Variants in ERICH6 observed in about 807,000 individuals in gnomAD.
The protein encoded by ERICH6 is glutamate rich 6.
A neutral mutation model predicts 71.0 loss-of-function variants in ERICH6; 71 were observed. That is an observed-to-expected ratio of 1.00 (90% CI 0.83 to 1.22). ERICH6 has a LOEUF of 1.22. Ranked by LOEUF, ERICH6 falls within the 50% of genes most tolerant of loss-of-function variation. The probability of loss-of-function intolerance (pLI) is 0.00; values close to 1 mark genes in which losing one functional copy is unlikely to be tolerated. For missense variants in ERICH6, 808 were observed against 797.2 expected, an observed-to-expected ratio of 1.01 and a Z score of -0.16; for synonymous variants, 262 against 278.4, an observed-to-expected ratio of 0.94 and a Z score of 0.59.
In ERICH6 at chr3:150,682,212, A is replaced by G; in HGVS notation, c.882+6T>C. 3 of 1,610,338 alleles carry G rather than the reference A, an allele frequency of 1.9e-6. No individual in the cohort carries two copies. The highest frequency in any genetic ancestry group is 2.5e-6 in the Non-Finnish European group (3 of 1,177,008). ...ATTTCCACAGTAAACCTGACTTAGA[A>G]CTTACATGCCCTTTTGGTTCAGAGG... On this transcript the variant is annotated splice_donor_region_variant and intron_variant, in intron 7 of 13. Coordinates refer to ENST00000295910, the MANE Select transcript of ERICH6 (RefSeq NM_152394.5).
At chr3:150,688,529 G>A (rs1712290309) in intron 3 of ERICH6, among the ~76,000 whole-genome samples, 1 of 152,158 alleles carries the variant, frequency 6.6e-6, no homozygotes, top group South Asian at 2.1e-4. Context: ...GGTAGTTTAT[G>A]GGAAAGGAAA....
chr3:150,698,495 G>A (rs1329389017), intron 3 of ERICH6, among the ~76,000 whole-genome samples: 2 of 152,134 alleles, frequency 1.3e-5, no homozygotes, highest in Admixed American at 1.3e-4. Flanking sequence ...ATAAAGATAT[G>A]TATCAAAAAT....
intron 3 of ERICH6, among the ~76,000 whole-genome samples, chr3:150,690,340 T>C (rs1451514402): frequency 6.6e-6 from 1 of 152,144 alleles, no homozygotes; most frequent in Non-Finnish European, 1.5e-5. Context: ...AATTTAAGTC[T>C]ATTTAGCTGA....
intron 3 of ERICH6, 143 bp downstream of exon 3, chr3:150,698,648 G>A (rs1040803628): frequency 1.3e-5 from 8 of 598,396 alleles, no homozygotes; most frequent in Non-Finnish European, 2.4e-5. Flanking sequence ...GACTCAAAGA[G>A]GGTAAGCAAC....
chr3:150,680,672 A>C, intron 8 of ERICH6, 101 bp downstream of exon 8: 1 of 1,554,188 alleles, frequency 6.4e-7, no homozygotes, highest in Non-Finnish European at 8.7e-7. Context: ...TAGGAAATAC[A>C]TCTTCAAAGT....
At chr3:150,685,673 G>C in intron 6 of ERICH6, 69 bp downstream of exon 6, 2 of 1,147,202 alleles carry the variant, frequency 1.7e-6, no homozygotes, top group Non-Finnish European at 2.5e-6. Context: ...ACTGTCTATT[G>C]TGCAAATCAT....
chr3:150,680,607 A>C, intron 8 of ERICH6, 69 bp from the exon 9 acceptor site: 1 of 1,590,204 alleles, frequency 6.3e-7, no homozygotes, highest in Non-Finnish European at 8.6e-7. Context: ...CTACTACAAA[A>C]TTCAGCTGCT....
intron 9 of ERICH6, among the ~76,000 whole-genome samples, chr3:150,678,935 T>A (rs1711779268): frequency 6.9e-6 from 1 of 145,482 alleles, no homozygotes; most frequent in Non-Finnish European, 1.5e-5. Flanking sequence ...CAGCTGCTTG[T>A]GAGGCTAAGG....
chr3:150,660,257 G>A, intron 13 of ERICH6, 102 bp from the exon 14 acceptor site: 1 of 1,312,014 alleles, frequency 7.6e-7, no homozygotes, highest in Non-Finnish European at 1.1e-6. Flanking sequence ...TGGATTCCCT[G>A]ATGAGGGTCC....
At chr3:150,682,788 AT>A (rs1712022024) in intron 6 of ERICH6, among the ~76,000 whole-genome samples, 1 of 152,224 alleles carries the variant, frequency 6.6e-6, no homozygotes, top group African/African-American at 2.4e-5. Flanking sequence ...GTAGGCCAAC[AT>A]GTACAATGAC....
chr3:150,672,264 C>CATATATATATATATATATGTATATATAT lies in ERICH6; in HGVS notation c.1343+1691_1343+1692insATATATATACATATATATATATATATAT, dbSNP rs57492414. On this transcript the variant is annotated intron_variant, in intron 11 of 13. Coordinates refer to ENST00000295910, the MANE Select transcript of ERICH6 (RefSeq NM_152394.5). ...TAAACAAAGAATCCATTTATATATA[C>CATATATATATATATATATGTATATATAT]ATATATATATATATGCTCATACACA... Among the ~76,000 whole-genome samples, 147 of 123,646 alleles carry CATATATATATATATATATGTATATATAT rather than the reference C, an allele frequency of 1.2e-3. 2 individuals are homozygous for CATATATATATATATATATGTATATATAT. Among genetic ancestry groups the CATATATATATATATATATGTATATATAT allele is most frequent in the African/African-American group, 4.6e-3 (143 of 31,054 alleles). 81.1% of individuals were successfully genotyped at this position (123,646 alleles called of 152,430 possible). A position where few individuals can be genotyped will look rare whatever the true frequency, so the allele number is the denominator to read the frequency against.
intron 9 of ERICH6, among the ~76,000 whole-genome samples, chr3:150,678,837 TTGAGAC>T (rs1339296147): frequency 6.6e-6 from 1 of 151,954 alleles, no homozygotes; most frequent in Non-Finnish European, 1.5e-5. Flanking sequence ...GGTCAGGAGT[TTGAGAC>T]CAGCCTGACC....
At chr3:150,687,191 C>T (rs914406911) in intron 3 of ERICH6, among the ~76,000 whole-genome samples, 1 of 152,146 alleles carries the variant, frequency 6.6e-6, no homozygotes, top group Non-Finnish European at 1.5e-5. Flanking sequence ...CCACTACAGT[C>T]GATCTGATAA....
chr3:150,695,497 TAA>T (rs56710019), intron 3 of ERICH6, among the ~76,000 whole-genome samples: 2 of 142,648 alleles, frequency 1.4e-5, no homozygotes, highest in Non-Finnish European at 1.5e-5. Flanking sequence ...CCATCTCTAC[TAA>T]AAAAAAAAAA....
At chr3:150,699,137 C>A (rs1712764275) in intron 2 of ERICH6, among the ~76,000 whole-genome samples, 1 of 151,922 alleles carries the variant, frequency 6.6e-6, no homozygotes, top group South Asian at 2.1e-4. Context: ...ATGGTGAGAC[C>A]CTATCTCTAT....
intron 12 of ERICH6, among the ~76,000 whole-genome samples, 191 bp downstream of exon 12, chr3:150,669,105 C>T (rs1450858355): frequency 6.6e-6 from 1 of 152,114 alleles, no homozygotes; most frequent in African/African-American, 2.4e-5. Context: ...TTTATAATTG[C>T]TTGGGATTTT....
chr3:150,676,876 C>T (rs141785788), intron 10 of ERICH6, among the ~76,000 whole-genome samples: 3,634 of 151,754 alleles, frequency 0.024, 167 homozygotes, highest in African/African-American at 0.081. Context: ...TGCAATGGCG[C>T]GATCTTGGCT....
rs768409873 is a variant in ERICH6 at position 150,685,885 on chromosome 3, T to C, written c.667-27A>G. On this transcript the variant is annotated intron_variant, in intron 5 of 13. Coordinates refer to ENST00000295910, the MANE Select transcript of ERICH6 (RefSeq NM_152394.5). ...TAAATTTAAAAAGAGAAAGGGGTGG[T>C]GAGGGGAAATAATTGAAGATTTGAT... The C allele has an allele frequency of 2.9e-5, 46 of 1,609,178 alleles. 1 individual carries two copies. Among genetic ancestry groups the C allele is most frequent in the East Asian group, 8.9e-5 (4 of 44,836 alleles).
intron 10 of ERICH6, among the ~76,000 whole-genome samples, 175 bp from the exon 11 acceptor site, chr3:150,674,216 C>T (rs1311372733): frequency 3.3e-5 from 5 of 152,114 alleles, no homozygotes; most frequent in Non-Finnish European, 7.4e-5. Flanking sequence ...CAGATTGTCC[C>T]TAATCCTTGC....
Sources: gnomAD v4.1 joint callset for allele counts (sites outside exome capture counted in the v4.1 genomes callset) on GRCh38, gnomAD v4.1.1 for gene constraint, MANE v1.5 for transcripts, NCBI Gene and HGNC (gene_info 2026-07-23, HGNC 2026-07-21) for gene names.